Variants in CSTPP1 observed in about 807,000 individuals in gnomAD.
CSTPP1 encodes the protein centriolar satellite-associated tubulin polyglutamylase complex regulator 1.
At chr11:47,054,356 T>G in the CSTPP1 span, among the ~76,000 whole-genome samples, 7 of 145,518 alleles carry the variant, frequency 4.8e-5, no homozygotes, top group Non-Finnish European at 1.1e-4. Context: ...CAGGCTGGAG[T>G]GCAGTGGCAT....
the CSTPP1 span, among the ~76,000 whole-genome samples, chr11:47,066,112 T>TGTTG: frequency 0.023 from 450 of 19,244 alleles, 3 homozygotes; most frequent in African/African-American, 0.064. Context: ...TTTTTTTTTT[T>TGTTG]TTTTTGTTTG....
At chr11:47,107,677 A>G in the CSTPP1 span, among the ~76,000 whole-genome samples, 1 of 152,094 alleles carries the variant, frequency 6.6e-6, no homozygotes, top group Admixed American at 6.5e-5. Context: ...TGTGAAGCAA[A>G]TGAATATGTT....
At chr11:47,057,706 GGAA>G in the CSTPP1 span, among the ~76,000 whole-genome samples, 2 of 152,120 alleles carry the variant, frequency 1.3e-5, no homozygotes, top group Admixed American at 6.6e-5. Flanking sequence ...ATCCAAGAGA[GGAA>G]GAAGTTGTTC....
At chr11:47,026,917 T>C in the CSTPP1 span, among the ~76,000 whole-genome samples, 55 of 152,266 alleles carry the variant, frequency 3.6e-4, no homozygotes, top group African/African-American at 1.1e-3. Flanking sequence ...GCTAAAATTA[T>C]CATGTACACA....
At chr11:47,086,573 G>A in the CSTPP1 span, among the ~76,000 whole-genome samples, 6 of 152,004 alleles carry the variant, frequency 3.9e-5, no homozygotes, top group Admixed American at 1.3e-4. Flanking sequence ...GACAGGAGGC[G>A]AAGGAAAAGG....
At chr11:47,116,883 A>G in the CSTPP1 span, among the ~76,000 whole-genome samples, 65 of 151,880 alleles carry the variant, frequency 4.3e-4, no homozygotes, top group African/African-American at 1.5e-3. Context: ...GGGTTTCACC[A>G]TGTTAGCTAG....
At chr11:47,109,422 T>C in the CSTPP1 span, 3 of 152,152 alleles carry the variant, frequency 2.0e-5, no homozygotes, top group Non-Finnish European at 4.4e-5. Context: ...GATGTTTGTG[T>C]GTCTCTCTTC....
the CSTPP1 span, among the ~76,000 whole-genome samples, chr11:47,013,061 C>T: frequency 6.9e-6 from 1 of 145,730 alleles, no homozygotes; most frequent in Non-Finnish European, 1.5e-5. Flanking sequence ...TAAATAATAA[C>T]ATATATATTT....
the CSTPP1 span, among the ~76,000 whole-genome samples, chr11:47,076,318 T>G: frequency 6.6e-6 from 1 of 152,180 alleles, no homozygotes; most frequent in African/African-American, 2.4e-5. Flanking sequence ...GAAACTGAAA[T>G]AGCCTCAGAG....
chr11:47,029,538 G>T, the CSTPP1 span, among the ~76,000 whole-genome samples: 7 of 151,802 alleles, frequency 4.6e-5, no homozygotes, highest in African/African-American at 7.3e-5. Flanking sequence ...GAACCTGAGA[G>T]GTGGAAGTTG....
At chr11:47,111,117 C>T in the CSTPP1 span, among the ~76,000 whole-genome samples, 10 of 152,056 alleles carry the variant, frequency 6.6e-5, no homozygotes, top group Admixed American at 3.9e-4. Context: ...TGGTCTCGAT[C>T]TCCTGACCTC....
the CSTPP1 span, among the ~76,000 whole-genome samples, chr11:46,995,097 GT>G: frequency 6.6e-6 from 1 of 152,138 alleles, no homozygotes; most frequent in Non-Finnish European, 1.5e-5. Flanking sequence ...ATGGTAGTTT[GT>G]ATTTCTGTGG....
the CSTPP1 span, among the ~76,000 whole-genome samples, chr11:46,965,485 A>G: frequency 1.3e-5 from 2 of 152,172 alleles, no homozygotes; most frequent in Admixed American, 6.5e-5. Context: ...TGGGCCTCCC[A>G]AAGTGTTAGG....
the CSTPP1 span, among the ~76,000 whole-genome samples, chr11:47,017,759 T>C: frequency 1.3e-5 from 2 of 151,990 alleles, no homozygotes; most frequent in Non-Finnish European, 2.9e-5. Flanking sequence ...CCTCCCCTTC[T>C]TGGGTTCAGG....
the CSTPP1 span, among the ~76,000 whole-genome samples, chr11:47,103,271 A>G: frequency 1.3e-5 from 2 of 151,976 alleles, no homozygotes; most frequent in African/African-American, 4.8e-5. Context: ...GTGGTGGCAC[A>G]TACCTGTAGT....
chr11:47,065,370 C>G, the CSTPP1 span, among the ~76,000 whole-genome samples: 1 of 151,970 alleles, frequency 6.6e-6, no homozygotes, highest in African/African-American at 2.4e-5. Flanking sequence ...AGTGCAGTGG[C>G]ACAATCATAG....
At chr11:47,101,982 G>A in the CSTPP1 span, among the ~76,000 whole-genome samples, 1 of 152,106 alleles carries the variant, frequency 6.6e-6, no homozygotes, top group African/African-American at 2.4e-5. Flanking sequence ...GCTTGTAAAA[G>A]GGGAATAGTG....
At chr11:47,154,258 A>G in the CSTPP1 span, 52,200 of 152,218 alleles carry the variant, frequency 0.34, 9,426 homozygotes, top group East Asian at 0.7. Context: ...AAAAAAGAAA[A>G]AAAGAAAGAT....
the CSTPP1 span, among the ~76,000 whole-genome samples, chr11:47,061,271 T>A: frequency 6.6e-6 from 1 of 152,246 alleles, no homozygotes; most frequent in Non-Finnish European, 1.5e-5. Context: ...CAAAAATCCC[T>A]GCTTTTATAG....
Sources: allele counts gnomAD v4.1 joint callset (sites outside exome capture counted in the v4.1 genomes callset), GRCh38; gene constraint gnomAD v4.1.1; transcripts MANE v1.5; gene names NCBI Gene and HGNC (gene_info 2026-07-23, HGNC 2026-07-21).